The following TUT4 variants were observed in gnomAD, a reference collection of about 807,000 sequenced individuals.
TUT4 encodes terminal uridylyltransferase 4.
A neutral mutation model predicts 192.2 loss-of-function variants in TUT4; 36 were observed. The observed-to-expected ratio is 0.19, with a 90% CI of 0.14 to 0.25. TUT4 has a LOEUF of 0.25. Among genes scored for constraint, TUT4 ranks in the 10% least tolerant of loss-of-function variants. The probability of loss-of-function intolerance (pLI) is 1.00; values close to 1 mark genes in which losing one functional copy is unlikely to be tolerated. For missense variants in TUT4, 1,493 were observed against 1,957.2 expected (o/e 0.76, Z 4.47); for synonymous variants, 618 against 666.0 (o/e 0.93, Z 1.11).
intron 26 of TUT4, 36 bp downstream of exon 26, chr1:52,436,719 T>C (rs555050333): frequency 6.2e-7 from 1 of 1,610,576 alleles, no homozygotes; most frequent in East Asian, 2.2e-5. Context: ...ATGACTTCGT[T>C]TCTACCAGAA....
At chr1:52,428,752 C>T (rs1311554897) in intron 28 of TUT4, among the ~76,000 whole-genome samples, 3 of 151,952 alleles carry the variant, frequency 2.0e-5, no homozygotes, top group Non-Finnish European at 4.4e-5. Context: ...GATTGTTCCA[C>T]TGCACTCCAG....
At chr1:52,447,339 C>T (rs1168101107) in intron 20 of TUT4, among the ~76,000 whole-genome samples, 5 of 151,938 alleles carry the variant, frequency 3.3e-5, no homozygotes, top group African/African-American at 7.2e-5. Flanking sequence ...ATCCCATCTA[C>T]TCGGGAGGCT....
At chr1:52,530,916 T>C (rs562101900) in intron 1 of TUT4, among the ~76,000 whole-genome samples, 4 of 152,236 alleles carry the variant, frequency 2.6e-5, no homozygotes, top group Non-Finnish European at 4.4e-5. Flanking sequence ...GGTAGGAGGA[T>C]GGCTTGAGCC....
chr1:52,542,764 TATTTA>T (rs1687044451), intron 1 of TUT4, among the ~76,000 whole-genome samples: 2 of 146,584 alleles, frequency 1.4e-5, no homozygotes, highest in Non-Finnish European at 1.5e-5. Context: ...TTTATTTATT[TATTTA>T]TTTTTTTTTG....
At chr1:52,431,590 GT>G (rs1207625030) in intron 27 of TUT4, 130 bp from the exon 28 acceptor site, 6 of 752,882 alleles carry the variant, frequency 8.0e-6, no homozygotes, top group Non-Finnish European at 9.4e-6. Flanking sequence ...CAAATAATTA[GT>G]TTTTCCCAAG....
chr1:52,458,483 G>A, intron 19 of TUT4, 34 bp from the exon 20 acceptor site: 1 of 1,499,346 alleles, frequency 6.7e-7, no homozygotes, highest in Non-Finnish European at 9.3e-7. Context: ...CAAAACTTCA[G>A]AGTCTTACTC....
At chr1:52,541,898 C>T (rs1046005405) in intron 1 of TUT4, among the ~76,000 whole-genome samples, 2 of 152,120 alleles carry the variant, frequency 1.3e-5, no homozygotes, top group Non-Finnish European at 2.9e-5. Context: ...TGAACATCAA[C>T]GTTCAAAGAA....
intron 2 of TUT4, among the ~76,000 whole-genome samples, chr1:52,523,438 T>C (rs1680842504): frequency 6.6e-6 from 1 of 152,118 alleles, no homozygotes; most frequent in Non-Finnish European, 1.5e-5. Flanking sequence ...AAACCCAGTC[T>C]CTACTAAAAA....
rs373785104 is a variant in TUT4, at chr1:52,425,419, A to G, written c.4800T>C (p.Tyr1600=). Residue 1600 remains tyrosine (Y), a synonymous_variant, in exon 29 of 30, where the codon TAT becomes TAC. Coordinates refer to ENST00000257177, the MANE Select transcript of TUT4 (RefSeq NM_001009881.3). ...HFPLVPASWP[Y]GLHQNFMHQG... The stretch of plus-strand genomic sequence containing the variant: ...GATGCATGAAGTTTTGATGCAAACC[A>G]TAAGGCCACGAAGCTGGGACAAGGG... 55 of 1,614,016 alleles carry G rather than the reference A, an allele frequency of 3.4e-5. 1 individual carries two copies. The African/African-American group carries it at 5.2e-4, about 15-fold the overall frequency.
intron 4 of TUT4, among the ~76,000 whole-genome samples, chr1:52,508,271 G>A (rs912186626): frequency 8.0e-5 from 12 of 149,150 alleles, no homozygotes; most frequent in African/African-American, 2.7e-4. Context: ...AGGTTACAGT[G>A]AGCCAAGATT....
chr1:52,548,968 G>A (rs12121868), intron 1 of TUT4, among the ~76,000 whole-genome samples: 17 of 152,174 alleles, frequency 1.1e-4, no homozygotes, highest in Non-Finnish European at 1.9e-4. Flanking sequence ...AGTATAACAA[G>A]GTGATCTCCC....
chr1:52,468,280 AAAG>A lies in TUT4; in HGVS notation c.2879-16_2879-14del, dbSNP rs781048022. On this transcript the variant is annotated splice_polypyrimidine_tract_variant and intron_variant, in intron 14 of 29. Transcript: ENST00000257177. ...GGTGATAACTCATCTGGGTTTATAA[AAAG>A]AAGAAAAAAGGAAAAAGAAAAGTAA... is the stretch of plus-strand genomic sequence containing the variant. The A allele has an allele frequency of 2.5e-5, 38 of 1,548,030 alleles. No individual in the cohort carries two copies. In the African/African-American group the frequency reaches 5.0e-4, roughly 20 times the overall value.
At chr1:52,524,015 T>A (rs1681027304) in intron 2 of TUT4, among the ~76,000 whole-genome samples, 1 of 152,210 alleles carries the variant, frequency 6.6e-6, no homozygotes, top group South Asian at 2.1e-4. Flanking sequence ...TTATTTAATT[T>A]AAACAAAATC....
At chr1:52,488,283 G>A (rs1284853136) in intron 9 of TUT4, among the ~76,000 whole-genome samples, 1 of 152,134 alleles carries the variant, frequency 6.6e-6, no homozygotes, top group Admixed American at 6.5e-5. Context: ...ATACTCTACC[G>A]ATAGGGCAGG....
At chr1:52,485,723 A>C (rs1669630076) in intron 9 of TUT4, among the ~76,000 whole-genome samples, 1 of 152,048 alleles carries the variant, frequency 6.6e-6, no homozygotes, top group Non-Finnish European at 1.5e-5. Flanking sequence ...ATGTGAACAG[A>C]CTTCCTGATA....
chr1:52,439,734 T>C (rs1243191768), intron 24 of TUT4, among the ~76,000 whole-genome samples: 1 of 152,132 alleles, frequency 6.6e-6, no homozygotes, highest in African/African-American at 2.4e-5. Context: ...AAGTTAAACA[T>C]AAATTTATCA....
At chr1:52,460,344 T>TG (rs1332946015) in intron 19 of TUT4, among the ~76,000 whole-genome samples, 1 of 152,028 alleles carries the variant, frequency 6.6e-6, no homozygotes, top group Non-Finnish European at 1.5e-5. Flanking sequence ...TAGCCAGGCA[T>TG]GGTGGTGAAT....
intron 4 of TUT4, among the ~76,000 whole-genome samples, 170 bp from the exon 5 acceptor site, chr1:52,497,353 G>A (rs547566480): frequency 4.2e-4 from 64 of 152,310 alleles, no homozygotes; most frequent in Non-Finnish European, 6.9e-4. Flanking sequence ...CCTTTGGGAA[G>A]CAGGGTTTTG....
chr1:52,462,905 G>C, intron 16 of TUT4: 15 of 985,330 alleles, frequency 1.5e-5, no homozygotes, highest in Non-Finnish European at 1.7e-5. Flanking sequence ...AATCCCAAGA[G>C]TTATAAAGTC....
Sources: allele counts gnomAD v4.1 joint callset (sites outside exome capture counted in the v4.1 genomes callset), GRCh38; gene constraint gnomAD v4.1.1; transcripts MANE v1.5; gene names NCBI Gene and HGNC (gene_info 2026-07-23, HGNC 2026-07-21).